The following RALGPS2 variants were observed in gnomAD, a reference collection of about 807,000 sequenced individuals.
RALGPS2 encodes the protein Ral GEF with PH domain and SH3 binding motif 2.
RALGPS2 carries 43 observed loss-of-function variants against 86.8 expected under a neutral mutation model. The ratio of observed to expected loss-of-function variants is 0.50; its 90% CI spans 0.39 to 0.64. The LOEUF (loss-of-function observed/expected upper bound fraction) is 0.64, where lower values mean the gene tolerates loss of function less well. Ranked by LOEUF, RALGPS2 falls within the 30% of genes least tolerant of loss-of-function variation. The pLI is 0.00. For synonymous variants in RALGPS2, 243 were observed against 231.3 expected (o/e 1.05, Z -0.46); for missense variants, 536 against 694.6 (o/e 0.77, Z 2.57).
intron 9 of RALGPS2, among the ~76,000 whole-genome samples, chr1:178,878,234 A>AT (rs1659080662): frequency 6.6e-6 from 1 of 152,080 alleles, no homozygotes; most frequent in Admixed American, 6.5e-5. Context: ...ATTTTTTTTA[A>AT]TGTTTAAATA....
intron 1 of RALGPS2, among the ~76,000 whole-genome samples, chr1:178,758,785 TTATC>T (rs1237235465): frequency 6.6e-6 from 1 of 152,226 alleles, no homozygotes; most frequent in African/African-American, 2.4e-5. Flanking sequence ...AATATTTTCT[TTATC>T]CATACGTTCA....
intron 1 of RALGPS2, among the ~76,000 whole-genome samples, chr1:178,735,659 A>G (rs1249896988): frequency 7.2e-6 from 1 of 138,206 alleles, no homozygotes; most frequent in Non-Finnish European, 1.5e-5. Flanking sequence ...TGGTGGTTAC[A>G]TGGGTGTCTA....
At chr1:178,752,348 G>GT (rs1283777307) in intron 1 of RALGPS2, among the ~76,000 whole-genome samples, 2 of 150,738 alleles carry the variant, frequency 1.3e-5, no homozygotes, top group African/African-American at 2.5e-5. Flanking sequence ...TTGGTGGCGG[G>GT]GGGGAGGGTC....
chr1:178,830,742 A>G (rs1289640470), intron 7 of RALGPS2, among the ~76,000 whole-genome samples: 3 of 152,180 alleles, frequency 2.0e-5, no homozygotes, highest in Non-Finnish European at 4.4e-5. Context: ...AAAAAATAAT[A>G]ATAAATTTTG....
At chr1:178,784,580 T>C (rs2102127911) in intron 3 of RALGPS2, 58 bp downstream of exon 3, 1 of 1,326,810 alleles carries the variant, frequency 7.5e-7, no homozygotes, top group Admixed American at 2.0e-5. Flanking sequence ...ATTGGTGCTA[T>C]TGAGTTAGAA....
chr1:178,885,362 C>A, intron 12 of RALGPS2, 151 bp downstream of exon 12: 1 of 736,750 alleles, frequency 1.4e-6, no homozygotes, highest in Non-Finnish European at 2.1e-6. Flanking sequence ...CCTTGTTTGC[C>A]TAAAAGCTTT....
chr1:178,825,561 C>A (rs1194707048), intron 7 of RALGPS2, among the ~76,000 whole-genome samples: 1 of 152,024 alleles, frequency 6.6e-6, no homozygotes, highest in Non-Finnish European at 1.5e-5. Flanking sequence ...AATTTTGGTT[C>A]ATGGATTTTT....
chr1:178,760,979 C>CTTTT (rs200598214), intron 1 of RALGPS2, among the ~76,000 whole-genome samples: 1 of 138,090 alleles, frequency 7.2e-6, no homozygotes, highest in Non-Finnish European at 1.6e-5. Context: ...AGACTTTATT[C>CTTTT]TTTTTTTTTT....
intron 1 of RALGPS2, among the ~76,000 whole-genome samples, chr1:178,752,898 T>C (rs1651759072): frequency 1.3e-5 from 2 of 152,246 alleles, no homozygotes; most frequent in African/African-American, 4.8e-5. Flanking sequence ...TTTCTGTTTA[T>C]GTATGTATCC....
chr1:178,741,229 A>G (rs1440742194), intron 1 of RALGPS2, among the ~76,000 whole-genome samples: 1 of 152,166 alleles, frequency 6.6e-6, no homozygotes, highest in Non-Finnish European at 1.5e-5. Flanking sequence ...TTGGTGTTCT[A>G]AGCATTTTAC....
intron 8 of RALGPS2, among the ~76,000 whole-genome samples, chr1:178,857,906 C>G (rs1657701034): frequency 6.6e-6 from 1 of 152,116 alleles, no homozygotes. Flanking sequence ...TTAATAGACA[C>G]TCAGATGTTT....
intron 1 of RALGPS2, among the ~76,000 whole-genome samples, chr1:178,732,448 G>A (rs914408269): frequency 1.3e-5 from 2 of 152,044 alleles, no homozygotes; most frequent in African/African-American, 4.8e-5. Flanking sequence ...ACAGTTGCGT[G>A]CCACCACATC....
At chr1:178,798,522 G>A (rs1277014906) in intron 4 of RALGPS2, among the ~76,000 whole-genome samples, 2 of 152,124 alleles carry the variant, frequency 1.3e-5, no homozygotes, top group African/African-American at 4.8e-5. Flanking sequence ...GAAAAGTTAC[G>A]ACATTACAGG....
intron 19 of RALGPS2, among the ~76,000 whole-genome samples, chr1:178,909,380 G>A (rs1660516907): frequency 6.6e-6 from 1 of 152,070 alleles, no homozygotes; most frequent in Non-Finnish European, 1.5e-5. Flanking sequence ...TTTTTACTTA[G>A]AATTGCTTTA....
intron 7 of RALGPS2, among the ~76,000 whole-genome samples, chr1:178,827,895 A>G (rs985641555): frequency 3.9e-5 from 6 of 152,330 alleles, no homozygotes; most frequent in Admixed American, 3.9e-4. Flanking sequence ...TTGTGTCAGA[A>G]AAACTGGATG....
intron 7 of RALGPS2, among the ~76,000 whole-genome samples, chr1:178,828,567 A>G (rs1317016188): frequency 6.6e-6 from 1 of 152,242 alleles, no homozygotes; most frequent in South Asian, 2.1e-4. Context: ...GAACTCAGAC[A>G]ATGTGATAAC....
chr1:178,874,411 C>T (rs986182308), intron 8 of RALGPS2, among the ~76,000 whole-genome samples: 3 of 152,058 alleles, frequency 2.0e-5, no homozygotes, highest in Admixed American at 6.5e-5. Context: ...TCACATGTGG[C>T]AAGTGGTTAT....
chr1:178,801,239 T>C (rs1458748502), intron 4 of RALGPS2, among the ~76,000 whole-genome samples: 1 of 152,150 alleles, frequency 6.6e-6, no homozygotes, highest in Non-Finnish European at 1.5e-5. Context: ...CCAATCTTCT[T>C]TATGTGCATA....
chr1:178,757,576 T>C (rs946685360), intron 1 of RALGPS2, among the ~76,000 whole-genome samples: 1 of 152,242 alleles, frequency 6.6e-6, no homozygotes, highest in Non-Finnish European at 1.5e-5. Flanking sequence ...TAATTCTGTT[T>C]ATGTGGTGAA....
Sources: allele counts gnomAD v4.1 joint callset (sites outside exome capture counted in the v4.1 genomes callset), GRCh38; gene constraint gnomAD v4.1.1; transcripts MANE v1.5; gene names NCBI Gene and HGNC (gene_info 2026-07-23, HGNC 2026-07-21).